Variants in L3MBTL4 observed in about 807,000 individuals in gnomAD.
L3MBTL4 encodes the protein L3MBTL histone methyl-lysine binding protein 4, also known as lethal(3)malignant brain tumor-like protein 4.
In L3MBTL4, 70 loss-of-function variants were observed where a neutral mutation model predicts 84.5. The observed-to-expected ratio is 0.83, with a 90% CI of 0.68 to 1.01. The LOEUF (loss-of-function observed/expected upper bound fraction) is 1.01. L3MBTL4 is among the 50% of genes least tolerant of loss of function. The probability of loss-of-function intolerance (pLI) is 0.00; values close to 1 mark genes in which losing one functional copy is unlikely to be tolerated. For synonymous variants in L3MBTL4, 274 were observed against 259.8 expected (o/e 1.05, Z -0.52); for missense variants, 715 against 754.8 (o/e 0.95, Z 0.62).
intron 13 of L3MBTL4, among the ~76,000 whole-genome samples, chr18:6,141,186 G>T (rs1448921651): frequency 6.6e-6 from 1 of 151,828 alleles, no homozygotes; most frequent in African/African-American, 2.4e-5. Context: ...TCTCCTTCTG[G>T]AATTGCTGTT....
intron 14 of L3MBTL4, among the ~76,000 whole-genome samples, chr18:6,118,897 T>C (rs550483436): frequency 1.8e-3 from 280 of 152,268 alleles, no homozygotes; most frequent in Non-Finnish European, 2.7e-3. Flanking sequence ...GAACAGTACT[T>C]TGATCATTTG....
At chr18:6,256,482 TATC>T in intron 5 of L3MBTL4, among the ~76,000 whole-genome samples, 1 of 151,624 alleles carries the variant, frequency 6.6e-6, no homozygotes, top group East Asian at 1.9e-4. Flanking sequence ...AATGCAACCT[TATC>T]ATCCTGCAGA....
chr18:6,282,338 A>G (rs1433924373), intron 4 of L3MBTL4, among the ~76,000 whole-genome samples: 1 of 152,242 alleles, frequency 6.6e-6, no homozygotes, highest in East Asian at 1.9e-4. Context: ...AGCACAGAAT[A>G]GGAGCCCAAG....
intron 16 of L3MBTL4, among the ~76,000 whole-genome samples, chr18:6,009,579 T>TTA (rs2054642595): frequency 6.6e-6 from 1 of 152,192 alleles, no homozygotes; most frequent in Non-Finnish European, 1.5e-5. Flanking sequence ...CTTGAGTCCC[T>TTA]TATATAAAAT....
At chr18:6,109,719 T>C (rs369032036) in intron 14 of L3MBTL4, among the ~76,000 whole-genome samples, 1 of 152,148 alleles carries the variant, frequency 6.6e-6, no homozygotes, top group Non-Finnish European at 1.5e-5. Flanking sequence ...CCCCAGAAGA[T>C]GCCAGGAGGC....
chr18:6,032,354 T>A, intron 16 of L3MBTL4: 1 of 973,154 alleles, frequency 1.0e-6, no homozygotes, highest in Non-Finnish European at 1.2e-6. Context: ...TTTATATCAC[T>A]GAATGGAATC....
intron 12 of L3MBTL4, among the ~76,000 whole-genome samples, chr18:6,180,248 T>C (rs771743002): frequency 2.6e-5 from 4 of 151,990 alleles, no homozygotes; most frequent in Non-Finnish European, 4.4e-5. Context: ...AATATATATA[T>C]ACCTTCAAAA....
At chr18:6,254,036 G>C (rs996373356) in intron 5 of L3MBTL4, among the ~76,000 whole-genome samples, 1 of 152,100 alleles carries the variant, frequency 6.6e-6, no homozygotes, top group Non-Finnish European at 1.5e-5. Flanking sequence ...GTTTTTAATA[G>C]TGGAGTCAGA....
intron 16 of L3MBTL4, among the ~76,000 whole-genome samples, chr18:6,033,712 T>C (rs775734454): frequency 1.6e-4 from 24 of 152,256 alleles, no homozygotes; most frequent in Non-Finnish European, 3.4e-4. Context: ...CTTTTGTGTA[T>C]ATTCTATAGC....
chr18:5,995,993 G>T (rs2053946378), intron 16 of L3MBTL4, among the ~76,000 whole-genome samples: 1 of 152,188 alleles, frequency 6.6e-6, no homozygotes, highest in Non-Finnish European at 1.5e-5. Context: ...CTGGAGGCGT[G>T]TGTGGCTGCA....
At chr18:6,058,281 C>T (rs2057093298) in intron 16 of L3MBTL4, among the ~76,000 whole-genome samples, 1 of 152,190 alleles carries the variant, frequency 6.6e-6, no homozygotes, top group Non-Finnish European at 1.5e-5. Flanking sequence ...AAAAGGAATT[C>T]CACGGCCTCA....
At chr18:6,198,559 C>T (rs555364595) in intron 12 of L3MBTL4, among the ~76,000 whole-genome samples, 42 of 152,268 alleles carry the variant, frequency 2.8e-4, no homozygotes, top group African/African-American at 6.0e-4. Flanking sequence ...TTTTTCTTCA[C>T]GTTCCTTTGT....
In L3MBTL4 at chr18:6,081,743, C is replaced by A. The variant is rs574380416; in HGVS notation, c.1374-792G>T. On this transcript the variant is annotated intron_variant, in intron 15 of 18. Coordinates refer to ENST00000317931, the MANE Select transcript of L3MBTL4 (RefSeq NM_001330559.2). ...TTAATTTCTGTGCTAGATGAGGAAA[C>A]CGATTCAGTTACCAAAATCCTACAT... is the stretch of plus-strand genomic sequence containing the variant. Among the ~76,000 whole-genome samples, 36 of 152,212 alleles carry A rather than the reference C, an allele frequency of 2.4e-4. No homozygotes were observed. The South Asian group carries it at 6.6e-3, about 28-fold the overall frequency.
intron 5 of L3MBTL4, among the ~76,000 whole-genome samples, chr18:6,257,246 C>T (rs1017650021): frequency 6.6e-6 from 1 of 152,048 alleles, no homozygotes. Flanking sequence ...GCACAGCAAA[C>T]AATACGAACC....
chr18:6,068,651 T>C (rs1372662829), intron 16 of L3MBTL4, among the ~76,000 whole-genome samples: 2 of 151,836 alleles, frequency 1.3e-5, no homozygotes, highest in Non-Finnish European at 2.9e-5. Context: ...GCCATCTATA[T>C]GTGCATCTAC....
chr18:6,223,471 A>C (rs923998337), intron 10 of L3MBTL4, among the ~76,000 whole-genome samples: 4 of 152,240 alleles, frequency 2.6e-5, no homozygotes, highest in Non-Finnish European at 2.9e-5. Flanking sequence ...GAGCAAAGTT[A>C]AAAATGATGT....
chr18:5,989,109 G>A (rs577257603), intron 16 of L3MBTL4, among the ~76,000 whole-genome samples: 1 of 152,318 alleles, frequency 6.6e-6, no homozygotes, highest in African/African-American at 2.4e-5. Flanking sequence ...CCCACTTCTA[G>A]GAGATCTCCC....
chr18:6,068,778 G>A (rs560107749), intron 16 of L3MBTL4, among the ~76,000 whole-genome samples: 41 of 152,276 alleles, frequency 2.7e-4, no homozygotes, highest in Non-Finnish European at 4.4e-4. Context: ...TGGGGTAGAG[G>A]TGTAGACTTT....
At chr18:6,109,578 G>A (rs1473207647) in intron 14 of L3MBTL4, among the ~76,000 whole-genome samples, 1 of 152,040 alleles carries the variant, frequency 6.6e-6, no homozygotes, top group Non-Finnish European at 1.5e-5. Context: ...AGCCTGTTTG[G>A]GGTCAAAATC....
Sources: allele counts gnomAD v4.1 joint callset (sites outside exome capture counted in the v4.1 genomes callset), GRCh38; gene constraint gnomAD v4.1.1; transcripts MANE v1.5; gene names NCBI Gene and HGNC (gene_info 2026-07-23, HGNC 2026-07-21).